The following IRAK1BP1 variants were observed in gnomAD, a reference collection of about 807,000 sequenced individuals.
IRAK1BP1 encodes the protein interleukin 1 receptor associated kinase 1 binding protein 1.
IRAK1BP1 carries 24 observed loss-of-function variants against 28.0 expected under a neutral mutation model. That is an observed-to-expected ratio of 0.86 (90% CI 0.62 to 1.20). IRAK1BP1 has a LOEUF of 1.20. IRAK1BP1 is among the 50% of genes most tolerant of loss of function. The probability of loss-of-function intolerance (pLI) is 0.00; values close to 1 mark genes in which losing one functional copy is unlikely to be tolerated. For synonymous variants in IRAK1BP1, 131 were observed against 116.3 expected (o/e 1.13, Z -0.81); for missense variants, 336 against 316.7 (o/e 1.06, Z -0.46).
At chr6:78,952,419 A>G in the IRAK1BP1 span, among the ~76,000 whole-genome samples, 1 of 139,014 alleles carries the variant, frequency 7.2e-6, no homozygotes, top group African/African-American at 2.6e-5. Flanking sequence ...CTCTGTCCCA[A>G]AAAAAAAAGA....
At chr6:78,945,970 T>C (rs1191676931) in exon 5 of IRAK1BP1, 1 of 1,514,356 alleles carries the variant, frequency 6.6e-7, no homozygotes. Flanking sequence ...AAAATCATCA[T>C]ATACATTTCA....
chr6:78,949,173 C>T (rs966956965), downstream of IRAK1BP1, among the ~76,000 whole-genome samples: 7 of 151,996 alleles, frequency 4.6e-5, no homozygotes, highest in Non-Finnish European at 7.4e-5. Context: ...CCTTTGTTCC[C>T]GGTTTTCTTA....
intron 1 of IRAK1BP1, among the ~76,000 whole-genome samples, chr6:78,876,214 ACT>A (rs964316142): frequency 3.3e-5 from 5 of 149,622 alleles, no homozygotes; most frequent in African/African-American, 1.2e-4. Flanking sequence ...ACACTTTATC[ACT>A]CTCTCTCTCT....
At chr6:78,973,365 C>A in the IRAK1BP1 span, among the ~76,000 whole-genome samples, 1 of 150,626 alleles carries the variant, frequency 6.6e-6, no homozygotes, top group Admixed American at 6.6e-5. Flanking sequence ...CCTACAAGAG[C>A]TCCTGAAGGA....
At chr6:78,914,417 A>G (rs187906995) in intron 4 of IRAK1BP1, among the ~76,000 whole-genome samples, 1 of 152,220 alleles carries the variant, frequency 6.6e-6, no homozygotes. Context: ...TTGCTGTTGC[A>G]TACCAGGGTT....
At chr6:78,974,145 A>G in the IRAK1BP1 span, among the ~76,000 whole-genome samples, 1 of 152,066 alleles carries the variant, frequency 6.6e-6, no homozygotes, top group East Asian at 1.9e-4. Flanking sequence ...TCCTCAGCAA[A>G]TGTAAAAGAA....
the IRAK1BP1 span, among the ~76,000 whole-genome samples, chr6:78,952,245 C>T: frequency 6.6e-6 from 1 of 151,694 alleles, no homozygotes; most frequent in Non-Finnish European, 1.5e-5. Context: ...ATGGTGAAAC[C>T]CCACCTCTAC....
chr6:78,894,406 G>A (rs552868225), intron 2 of IRAK1BP1, among the ~76,000 whole-genome samples: 14 of 152,094 alleles, frequency 9.2e-5, no homozygotes, highest in Non-Finnish European at 1.6e-4. Context: ...TCATGCTAAC[G>A]TAAATGAAAA....
At chr6:78,970,585 A>G in the IRAK1BP1 span, among the ~76,000 whole-genome samples, 1 of 152,136 alleles carries the variant, frequency 6.6e-6, no homozygotes, top group Non-Finnish European at 1.5e-5. Context: ...ACTGCATTGG[A>G]GTATATAAAT....
At chr6:78,978,682 A>G in the IRAK1BP1 span, 1 of 1,594,968 alleles carries the variant, frequency 6.3e-7, no homozygotes, top group Non-Finnish European at 8.6e-7. Context: ...ATGTCAAACC[A>G]TTTTCAGTTA....
chr6:78,912,935 T>A (rs1772465061), intron 4 of IRAK1BP1, among the ~76,000 whole-genome samples: 1 of 152,210 alleles, frequency 6.6e-6, no homozygotes, highest in African/African-American at 2.4e-5. Context: ...ACATAAATAT[T>A]TGAATGTTTA....
At chr6:78,927,846 G>A (rs192593571) in intron 4 of IRAK1BP1, among the ~76,000 whole-genome samples, 1 of 152,098 alleles carries the variant, frequency 6.6e-6, no homozygotes, top group East Asian at 1.9e-4. Flanking sequence ...TTCACTGTAC[G>A]TGTGTGGATT....
the IRAK1BP1 span, among the ~76,000 whole-genome samples, chr6:78,976,041 A>C: frequency 6.6e-6 from 1 of 151,978 alleles, no homozygotes; most frequent in Non-Finnish European, 1.5e-5. Flanking sequence ...GTTCATATGG[A>C]ACCAAAAAAG....
chr6:78,973,110 T>C, the IRAK1BP1 span, among the ~76,000 whole-genome samples: 3 of 152,018 alleles, frequency 2.0e-5, no homozygotes, highest in East Asian at 5.8e-4. Flanking sequence ...GGAAAAAATG[T>C]TAAGGGCAGC....
At chr6:78,889,624 C>G (rs1771562195) in intron 2 of IRAK1BP1, among the ~76,000 whole-genome samples, 1 of 149,140 alleles carries the variant, frequency 6.7e-6, no homozygotes, top group South Asian at 2.1e-4. Context: ...TATGAACAGA[C>G]ACTTCTCAAA....
At chr6:78,935,503 C>G in intron 4 of IRAK1BP1, 1 of 978,834 alleles carries the variant, frequency 1.0e-6, no homozygotes, top group Non-Finnish European at 1.2e-6. Context: ...AAGTGTTCCA[C>G]TGAAATGTAT....
At chr6:78,976,510 C>G in the IRAK1BP1 span, among the ~76,000 whole-genome samples, 6 of 102,198 alleles carry the variant, frequency 5.9e-5, no homozygotes, top group Admixed American at 6.4e-4. Flanking sequence ...GCAACCAAAG[C>G]CAAAATTGAC....
chr6:78,872,944 A>G (rs1002626094), intron 1 of IRAK1BP1, among the ~76,000 whole-genome samples: 2 of 152,138 alleles, frequency 1.3e-5, no homozygotes, highest in Non-Finnish European at 2.9e-5. Context: ...AATTGATAAG[A>G]ACCTTAAAAA....
chr6:78,971,828 A>T, the IRAK1BP1 span, among the ~76,000 whole-genome samples: 11 of 152,198 alleles, frequency 7.2e-5, no homozygotes, highest in Non-Finnish European at 1.5e-4. Flanking sequence ...AATGGGCTTA[A>T]AAAACGGCGC....
Sources: allele counts gnomAD v4.1 joint callset (sites outside exome capture counted in the v4.1 genomes callset), GRCh38; gene constraint gnomAD v4.1.1; transcripts MANE v1.5; gene names NCBI Gene and HGNC (gene_info 2026-07-23, HGNC 2026-07-21).